TBPL1: variants seen among roughly 807,000 people sequenced by gnomAD.
The protein encoded by TBPL1 is TATA-box binding protein like 1, also known as TATA box-binding protein-like 1.
TBPL1 carries 4 observed loss-of-function variants against 22.1 expected under a neutral mutation model. That is an observed-to-expected ratio of 0.18 (90% CI 0.09 to 0.41). TBPL1 has a LOEUF of 0.41. Among genes scored for constraint, TBPL1 ranks in the 10% least tolerant of loss-of-function variants. The pLI is 1.00. For synonymous variants in TBPL1, 64 were observed against 71.0 expected (o/e 0.90, Z 0.50); for missense variants, 115 against 222.3 (o/e 0.52, Z 3.07).
chr6:133,954,307 G>A lies in TBPL1; in HGVS notation c.-45+882G>A, dbSNP rs117115415. ...ACAGTGCCTTAAAACTGTGACTTAA[G>A]AAAAGGGAGCAGGTTTGCGTGTGTG... On this transcript the variant is annotated intron_variant, in intron 1 of 6. Transcript: ENST00000237264. Among the ~76,000 whole-genome samples the A allele has an allele frequency of 1.7e-3, 259 of 152,352 alleles. 8 individuals are homozygous for A. In the East Asian group the frequency reaches 0.041, roughly 24 times the overall value.
At chr6:133,970,110 G>C (rs952524066) in intron 1 of TBPL1, among the ~76,000 whole-genome samples, 4 of 152,144 alleles carry the variant, frequency 2.6e-5, no homozygotes, top group African/African-American at 9.7e-5. Context: ...GCAGTGTTAA[G>C]TATCTGGTTT....
In TBPL1 at chr6:133,980,267, A is replaced by G; in HGVS notation, c.135+7A>G. 1 of 1,599,914 alleles carries G rather than the reference A, an allele frequency of 6.3e-7. No homozygotes were observed. Among genetic ancestry groups the G allele is most frequent in the Non-Finnish European group, 8.5e-7 (1 of 1,175,276 alleles). On this transcript the variant is annotated splice_region_variant and intron_variant, in intron 2 of 6. Coordinates refer to ENST00000237264, the MANE Select transcript of TBPL1 (RefSeq NM_004865.4). ...TTATAAACGTGATGTTGGAGTAAGTATCTGAGTTTTCGTATTTGTACTACA... is the reference window on the plus strand; with the variant it reads ...TTATAAACGTGATGTTGGAGTAAGTGTCTGAGTTTTCGTATTTGTACTACA...
chr6:133,976,148 T>C (rs1285895830), intron 1 of TBPL1, among the ~76,000 whole-genome samples: 2 of 152,202 alleles, frequency 1.3e-5, no homozygotes, highest in Non-Finnish European at 2.9e-5. Context: ...TCGTTAACTC[T>C]TTTGCATTCA....
chr6:133,956,585 G>A (rs1775931491), intron 1 of TBPL1, among the ~76,000 whole-genome samples: 3 of 152,176 alleles, frequency 2.0e-5, no homozygotes, highest in Admixed American at 2.0e-4. Context: ...GTATGTCCCT[G>A]CCCTGTGTGT....
chr6:133,976,967 C>CAA (rs537206851), intron 1 of TBPL1, among the ~76,000 whole-genome samples: 2 of 62,154 alleles, frequency 3.2e-5, no homozygotes, highest in Admixed American at 1.9e-4. Context: ...GACTTGGTCT[C>CAA]AAAAAAAAAA....
intron 1 of TBPL1, among the ~76,000 whole-genome samples, chr6:133,961,321 T>C (rs1475003527): frequency 6.6e-6 from 1 of 152,148 alleles, no homozygotes; most frequent in Admixed American, 6.5e-5. Flanking sequence ...TTCAAGGAGC[T>C]TGGTGTCTGC....
Position 133,953,269 on chromosome 6 carries a change from G to C in TBPL1, c.-201G>C, listed in dbSNP as rs939422019. The C allele has an allele frequency of 6.5e-6, 1 of 152,810 alleles. No individual in the cohort carries two copies. The highest frequency in any genetic ancestry group is 2.4e-5 in the African/African-American group (1 of 41,456). The allele number at this position is 152,810 out of a possible 1,614,324, so 9.5% of individuals were successfully genotyped here. ...GCAAGGAAGACGGAGTCCGAGCCTC[G>C]GGGGCTCCTAGCAACGGGCCGGGGC... On this transcript the variant is annotated 5_prime_UTR_variant, in exon 1 of 7. Coordinates refer to ENST00000237264, the MANE Select transcript of TBPL1 (RefSeq NM_004865.4).
At chr6:133,959,242 G>A (rs577601068) in intron 1 of TBPL1, among the ~76,000 whole-genome samples, 27 of 152,122 alleles carry the variant, frequency 1.8e-4, no homozygotes, top group Non-Finnish European at 3.4e-4. Context: ...GTTTCCCCAT[G>A]TTGGCCAGGC....
chr6:133,956,319 G>A (rs1395296482), intron 1 of TBPL1, among the ~76,000 whole-genome samples: 1 of 152,184 alleles, frequency 6.6e-6, no homozygotes, highest in Non-Finnish European at 1.5e-5. Context: ...ATTTTGTTGT[G>A]CCTTCTGTAT....
chr6:133,969,571 TG>T (rs1288745186), intron 1 of TBPL1, among the ~76,000 whole-genome samples: 1 of 152,180 alleles, frequency 6.6e-6, no homozygotes, highest in Non-Finnish European at 1.5e-5. Flanking sequence ...GTTTTACGGG[TG>T]GTAAAATATA....
At chr6:133,952,625 G>A (rs751773886), upstream of TBPL1, 2 of 152,172 alleles carry the variant, frequency 1.3e-5, no homozygotes, top group Non-Finnish European at 2.9e-5. This position sits in a 1 kb window ranked among gnomAD's most constrained non-coding sequence, Gnocchi z 4.5. Flanking sequence ...CGCCTAGTGA[G>A]GAATCTCACT....
At chr6:133,979,622 T>C (rs1292142918) in intron 1 of TBPL1, among the ~76,000 whole-genome samples, 1 of 152,156 alleles carries the variant, frequency 6.6e-6, no homozygotes, top group Admixed American at 6.6e-5. Context: ...AAAAATGACA[T>C]TTTTAGTGGG....
intron 3 of TBPL1, 65 bp downstream of exon 3, chr6:133,982,715 C>G (rs1776438183): frequency 1.3e-6 from 2 of 1,589,570 alleles, no homozygotes; most frequent in East Asian, 4.5e-5. Flanking sequence ...GGACATTTTC[C>G]TAGACTTAAC....
intron 1 of TBPL1, among the ~76,000 whole-genome samples, chr6:133,959,687 T>G (rs1775988427): frequency 6.6e-6 from 1 of 152,130 alleles, no homozygotes; most frequent in Admixed American, 6.5e-5. Flanking sequence ...TTTACCACAT[T>G]GACCAGGCTG....
Position 133,967,759 on chromosome 6 carries a change from T to C in TBPL1, c.-44-12323T>C, listed in dbSNP as rs149826515. Among the ~76,000 whole-genome samples, 567 of 152,312 alleles carry C rather than the reference T, an allele frequency of 3.7e-3. 14 individuals carry two copies. Among genetic ancestry groups the C allele is most frequent in the Admixed American group, 0.035 (530 of 15,300 alleles). ...GACCAAAACATTGTTAGGCAGCACA[T>C]GACTGTGTTTGAAAAGTTCACCCTC... is the stretch of plus-strand genomic sequence containing the variant. On this transcript the variant is annotated intron_variant, in intron 1 of 6. Transcript: ENST00000237264.
intron 1 of TBPL1, among the ~76,000 whole-genome samples, chr6:133,972,454 C>G (rs1329146320): frequency 6.6e-6 from 1 of 152,170 alleles, no homozygotes; most frequent in African/African-American, 2.4e-5. Flanking sequence ...TTGGTAGTGC[C>G]TCTTTGGGCT....
rs1302188575 is a variant in TBPL1, at chr6:133,953,229, A to G, written c.-241A>G. Reference sequence around the variant, plus strand: ...CGCGGGGAAGCTGCGGCCGCCTCGCACCCGGAACAACAAAGCAAGGAAGAC... The same window carrying G: ...CGCGGGGAAGCTGCGGCCGCCTCGCGCCCGGAACAACAAAGCAAGGAAGAC... On this transcript the variant is annotated 5_prime_UTR_variant, in exon 1 of 7. Transcript: ENST00000237264. The G allele has an allele frequency of 6.5e-6, 1 of 152,750 alleles. No individual in the cohort carries two copies. The highest frequency in any genetic ancestry group is 1.9e-4 in the East Asian group (1 of 5,178). The allele number at this position is 152,750 out of a possible 1,614,324, so 9.5% of individuals were successfully genotyped here. A position where few individuals can be genotyped will look rare whatever the true frequency, so the allele number is the denominator to read the frequency against.
intron 1 of TBPL1, among the ~76,000 whole-genome samples, chr6:133,972,459 T>C (rs1484059200): frequency 1.3e-5 from 2 of 152,222 alleles, no homozygotes; most frequent in African/African-American, 4.8e-5. Flanking sequence ...AGTGCCTCTT[T>C]GGGCTTGTCC....
rs567862730 is a variant in TBPL1, at chr6:133,972,987, C to T, written c.-44-7095C>T. On this transcript the variant is annotated intron_variant, in intron 1 of 6. Transcript: ENST00000237264. ...ACATAGCTAAATGGGAACACTAGGT[C>T]AGAGCCCCCTTTTATAAGGCTTATT... is the stretch of plus-strand genomic sequence containing the variant. Among the ~76,000 whole-genome samples, 80 of 152,226 alleles carry T rather than the reference C, an allele frequency of 5.3e-4. 1 individual carries two copies. In the South Asian group the frequency reaches 0.016, roughly 31 times the overall value.
Sources: gnomAD v4.1 joint callset for allele counts (sites outside exome capture counted in the v4.1 genomes callset) on GRCh38, gnomAD v4.1.1 for gene constraint, Gnocchi (gnomAD v3.1) non-coding constraint, MANE v1.5 for transcripts, NCBI Gene and HGNC (gene_info 2026-07-23, HGNC 2026-07-21) for gene names.